The following ZBTB20 variants were observed in gnomAD, a reference collection of about 807,000 sequenced individuals.
The protein encoded by ZBTB20 is zinc finger and BTB domain containing 20.
ZBTB20 carries 9 observed loss-of-function variants against 56.9 expected under a neutral mutation model. The observed-to-expected ratio is 0.16, with a 90% confidence interval of 0.10 to 0.28. The LOEUF (loss-of-function observed/expected upper bound fraction) is 0.28. Ranked by LOEUF, ZBTB20 falls within the 10% of genes least tolerant of loss-of-function variation. The probability of loss-of-function intolerance (pLI) is 1.00; values close to 1 mark genes in which losing one functional copy is unlikely to be tolerated. For synonymous variants in ZBTB20, 417 were observed against 420.7 expected, an observed-to-expected ratio of 0.99 and a Z score of 0.11; for missense variants, 655 against 1,003.0, an observed-to-expected ratio of 0.65 and a Z score of 4.69.
At chr3:114,788,065 C>T (rs1349134631) in intron 5 of ZBTB20, among the ~76,000 whole-genome samples, 2 of 152,070 alleles carry the variant, frequency 1.3e-5, no homozygotes, top group African/African-American at 4.8e-5. Flanking sequence ...CAATAAATTA[C>T]CATATTTCAT....
At chr3:115,115,278 A>G (rs2083987896) in intron 1 of ZBTB20, among the ~76,000 whole-genome samples, 1 of 152,032 alleles carries the variant, frequency 6.6e-6, no homozygotes, top group African/African-American at 2.4e-5. Flanking sequence ...GCTTTTTTCT[A>G]TTCCATTCAA....
At chr3:114,986,436 T>C (rs1270891743) in intron 2 of ZBTB20, among the ~76,000 whole-genome samples, 1 of 152,156 alleles carries the variant, frequency 6.6e-6, no homozygotes, top group Non-Finnish European at 1.5e-5. Context: ...CAAACATTAT[T>C]AATTTTGTCA....
chr3:115,032,443 T>G (rs990424882), intron 2 of ZBTB20, among the ~76,000 whole-genome samples: 7 of 151,356 alleles, frequency 4.6e-5, no homozygotes, highest in African/African-American at 1.7e-4. Context: ...AATAAAATAT[T>G]ATAGATATTT....
chr3:115,112,017 T>C (rs1313827648), intron 1 of ZBTB20, among the ~76,000 whole-genome samples: 1 of 152,168 alleles, frequency 6.6e-6, no homozygotes, highest in Non-Finnish European at 1.5e-5. Context: ...AAAAAGTGTA[T>C]GCTCCCTCAG....
At chr3:114,991,872 C>G (rs2078826699) in intron 2 of ZBTB20, among the ~76,000 whole-genome samples, 1 of 152,002 alleles carries the variant, frequency 6.6e-6, no homozygotes, top group African/African-American at 2.4e-5. Context: ...CCTTCTTTGT[C>G]TCTTTTGATC....
At chr3:114,791,843 A>G (rs560740347) in intron 5 of ZBTB20, 2 of 152,296 alleles carry the variant, frequency 1.3e-5, no homozygotes, top group South Asian at 4.2e-4. Context: ...AAAAGGTTAT[A>G]ACTGAGAATT....
intron 6 of ZBTB20, among the ~76,000 whole-genome samples, chr3:114,674,070 C>T (rs2061502032): frequency 6.6e-6 from 1 of 152,098 alleles, no homozygotes; most frequent in Non-Finnish European, 1.5e-5. Flanking sequence ...TGAGCTCAAC[C>T]GTCTTCAGCT....
At chr3:115,108,837 T>C (rs1477426059) in intron 1 of ZBTB20, among the ~76,000 whole-genome samples, 1 of 152,124 alleles carries the variant, frequency 6.6e-6, no homozygotes, top group Non-Finnish European at 1.5e-5. Flanking sequence ...CTCATATCTA[T>C]ATATGAGTCA....
intron 4 of ZBTB20, among the ~76,000 whole-genome samples, chr3:114,818,308 T>TA (rs911389897): frequency 6.6e-6 from 1 of 152,112 alleles, no homozygotes; most frequent in African/African-American, 2.4e-5. Flanking sequence ...ATTAGGTTAT[T>TA]AAAAAAACTC....
intron 4 of ZBTB20, among the ~76,000 whole-genome samples, chr3:114,826,123 T>C (rs1560292514): frequency 6.6e-6 from 1 of 151,666 alleles, no homozygotes; most frequent in Non-Finnish European, 1.5e-5. Flanking sequence ...AACAATAATA[T>C]GAATGAAGGA....
intron 5 of ZBTB20, among the ~76,000 whole-genome samples, chr3:114,705,689 C>T (rs1046000416): frequency 6.6e-6 from 1 of 152,104 alleles, no homozygotes; most frequent in African/African-American, 2.4e-5. Flanking sequence ...ACTAAGTCTA[C>T]GTATGGTAGG....
intron 5 of ZBTB20, among the ~76,000 whole-genome samples, chr3:114,782,473 T>C (rs2070176470): frequency 6.6e-6 from 1 of 152,202 alleles, no homozygotes; most frequent in Admixed American, 6.5e-5. Context: ...TGGGGATAAA[T>C]GCTCTAAGTG....
chr3:115,036,302 C>A (rs1023667801), intron 2 of ZBTB20, among the ~76,000 whole-genome samples: 4 of 150,974 alleles, frequency 2.6e-5, no homozygotes, highest in African/African-American at 9.7e-5. Flanking sequence ...ATTTTTTTTT[C>A]TTTCTTTTTT....
intron 2 of ZBTB20, among the ~76,000 whole-genome samples, chr3:115,036,866 C>T (rs762220803): frequency 3.3e-5 from 5 of 152,264 alleles, no homozygotes; most frequent in African/African-American, 7.2e-5. Flanking sequence ...GGAACCCATA[C>T]AGAACTTACG....
intron 11 of ZBTB20, among the ~76,000 whole-genome samples, chr3:114,344,500 G>T (rs1239332657): frequency 2.0e-5 from 3 of 152,088 alleles, no homozygotes; most frequent in African/African-American, 7.2e-5. Context: ...CATATTAATG[G>T]CTTTGATAGT....
At position 114,679,578 on chromosome 3, in the gene ZBTB20, A is replaced by T. The variant is rs1293265109; in HGVS notation, c.-295+13950T>A. Reference sequence around the variant, plus strand: ...ATAGAGAAATGCAAATCAAAATCACAATAAGATACTATCTCACGCCAGTTA... The same window carrying T: ...ATAGAGAAATGCAAATCAAAATCACTATAAGATACTATCTCACGCCAGTTA... On this transcript the variant is annotated intron_variant, in intron 6 of 11. Transcript: ENST00000675478. Among the ~76,000 whole-genome samples, 4 of 152,242 alleles carry T rather than the reference A, an allele frequency of 2.6e-5. No homozygotes were observed. The East Asian group carries it at 7.7e-4, about 29-fold the overall frequency.
intron 6 of ZBTB20, among the ~76,000 whole-genome samples, chr3:114,602,890 G>T (rs2056869589): frequency 6.6e-6 from 1 of 151,970 alleles, no homozygotes; most frequent in African/African-American, 2.4e-5. Context: ...TGTTACTGAA[G>T]TAACAATCTC....
At chr3:114,650,513 A>G (rs191297108) in intron 6 of ZBTB20, among the ~76,000 whole-genome samples, 2 of 152,078 alleles carry the variant, frequency 1.3e-5, no homozygotes, top group East Asian at 3.9e-4. Flanking sequence ...ATGAAGATCA[A>G]GAAAACAAAA....
intron 7 of ZBTB20, among the ~76,000 whole-genome samples, chr3:114,410,536 G>T (rs541385233): frequency 2.0e-5 from 3 of 152,148 alleles, no homozygotes; most frequent in Non-Finnish European, 4.4e-5. Flanking sequence ...CAAACAGGAA[G>T]TAACAGGGCC....
Sources: allele counts gnomAD v4.1 joint callset (sites outside exome capture counted in the v4.1 genomes callset), GRCh38; gene constraint gnomAD v4.1.1; transcripts MANE v1.5; gene names NCBI Gene and HGNC (gene_info 2026-07-23, HGNC 2026-07-21).